FAF1: variants seen among roughly 807,000 people sequenced by gnomAD.
The protein encoded by FAF1 is FAS-associated factor 1.
A neutral mutation model predicts 92.5 loss-of-function variants in FAF1; 25 were observed. That is an observed-to-expected ratio of 0.27 (90% confidence interval 0.20 to 0.38). The LOEUF (loss-of-function observed/expected upper bound fraction) is 0.38, where lower values mean the gene tolerates loss of function less well. Among genes scored for constraint, FAF1 ranks in the 10% least tolerant of loss-of-function variants. FAF1 has a pLI of 1.00. For synonymous variants in FAF1, 234 were observed against 273.2 expected, an observed-to-expected ratio of 0.86 and a Z score of 1.42; for missense variants, 636 against 793.3, an observed-to-expected ratio of 0.80 and a Z score of 2.38.
intron 15 of FAF1, among the ~76,000 whole-genome samples, chr1:50,529,450 G>C (rs998688327): frequency 6.6e-6 from 1 of 152,138 alleles, no homozygotes; most frequent in Non-Finnish European, 1.5e-5. Flanking sequence ...AATTAAATGG[G>C]ATTTGGAAGA....
chr1:50,838,558 A>AAT lies in FAF1; in HGVS notation c.114+19369_114+19370dup, dbSNP rs954105045. 5.6e-5 allele frequency among the ~76,000 whole-genome samples: 5 copies of AAT among 88,580 alleles called. No homozygotes were observed. The East Asian group carries it at 9.8e-4, about 17-fold the overall frequency. 58.1% of individuals were successfully genotyped at this position (88,580 alleles called of 152,430 possible). A position where few individuals can be genotyped will look rare whatever the true frequency, so the allele number is the denominator to read the frequency against. On this transcript the variant is annotated intron_variant, in intron 2 of 18. Coordinates refer to ENST00000396153, the MANE Select transcript of FAF1 (RefSeq NM_007051.3). ...TTTACATGTAGAATTATAAATTAAA[A>AAT]ATATATATATTTTATATAATTATAA...
intron 12 of FAF1, among the ~76,000 whole-genome samples, chr1:50,576,756 A>G (rs1272451462): frequency 6.6e-6 from 1 of 150,466 alleles, no homozygotes; most frequent in African/African-American, 2.4e-5. Context: ...GATGCTCCTG[A>G]TTCAGCCTCT....
chr1:50,642,225 C>T (rs1004859101), intron 8 of FAF1, among the ~76,000 whole-genome samples: 16 of 148,686 alleles, frequency 1.1e-4, no homozygotes, highest in Non-Finnish European at 2.2e-4. Flanking sequence ...AAAAAAAAAT[C>T]CTTGTTCTGT....
intron 7 of FAF1, among the ~76,000 whole-genome samples, chr1:50,661,059 A>G (rs1655349941): frequency 6.6e-6 from 1 of 152,238 alleles, no homozygotes; most frequent in Admixed American, 6.5e-5. Context: ...AATAGAAAAA[A>G]ATATAACAGA....
chr1:50,886,445 T>C (rs144037545), intron 1 of FAF1, among the ~76,000 whole-genome samples: 1,525 of 152,256 alleles, frequency 0.01, 13 homozygotes, highest in Middle Eastern at 0.071. Flanking sequence ...TTCTTAGATA[T>C]GTACACATGT....
chr1:50,852,223 C>A (rs149627447), intron 2 of FAF1, among the ~76,000 whole-genome samples: 203 of 152,308 alleles, frequency 1.3e-3, no homozygotes, highest in African/African-American at 4.7e-3. Flanking sequence ...CCTTGGGTGT[C>A]TGGGTTGTCC....
chr1:50,866,051 A>G (rs1042073347), intron 1 of FAF1, among the ~76,000 whole-genome samples: 11 of 152,226 alleles, frequency 7.2e-5, no homozygotes, highest in Non-Finnish European at 1.3e-4. Context: ...TAATATACAC[A>G]AGTCAATAAA....
intron 2 of FAF1, among the ~76,000 whole-genome samples, chr1:50,820,917 T>C (rs1644037777): frequency 6.6e-6 from 1 of 152,168 alleles, no homozygotes; most frequent in Admixed American, 6.6e-5. Flanking sequence ...ACATTTAGGT[T>C]GTTTCCGTAT....
chr1:50,647,038 AG>A (rs1050031222), intron 8 of FAF1, among the ~76,000 whole-genome samples: 2 of 151,980 alleles, frequency 1.3e-5, no homozygotes, highest in African/African-American at 2.4e-5. Flanking sequence ...TAGTAGAGAC[AG>A]GGTTTCACCA....
chr1:50,840,599 T>C (rs570765899), intron 2 of FAF1, among the ~76,000 whole-genome samples: 2 of 152,144 alleles, frequency 1.3e-5, no homozygotes, highest in South Asian at 2.1e-4. Context: ...AACTATATAC[T>C]TTAGATTTAT....
chr1:50,589,646 C>T (rs1201085547), intron 9 of FAF1, among the ~76,000 whole-genome samples: 3 of 152,296 alleles, frequency 2.0e-5, no homozygotes, highest in Non-Finnish European at 2.9e-5. Flanking sequence ...AACTCCATTG[C>T]TAGTGTTTTT....
chr1:50,740,051 C>G (rs935668471), intron 5 of FAF1, among the ~76,000 whole-genome samples: 5 of 152,014 alleles, frequency 3.3e-5, no homozygotes, highest in Non-Finnish European at 5.9e-5. Context: ...TTTGAGCCAC[C>G]TACTCTGTAT....
At chr1:50,632,636 A>G (rs1291529892) in intron 8 of FAF1, among the ~76,000 whole-genome samples, 2 of 152,236 alleles carry the variant, frequency 1.3e-5, no homozygotes, top group South Asian at 2.1e-4. Context: ...GCATGGTTCA[A>G]TTTGGGGTAG....
chr1:50,574,914 T>C (rs1439268805), intron 12 of FAF1, among the ~76,000 whole-genome samples: 1 of 134,092 alleles, frequency 7.5e-6, no homozygotes, highest in Admixed American at 7.4e-5. Context: ...TTTTTTTTTT[T>C]TTTTTTTTTT....
At chr1:50,927,112 G>A (rs761525004) in intron 1 of FAF1, among the ~76,000 whole-genome samples, 2 of 152,194 alleles carry the variant, frequency 1.3e-5, no homozygotes, top group Non-Finnish European at 2.9e-5. Context: ...AAGGGGAATA[G>A]GGAGTTAACG....
chr1:50,448,509 G>T (rs1174775381), intron 18 of FAF1, among the ~76,000 whole-genome samples: 1 of 152,182 alleles, frequency 6.6e-6, no homozygotes, highest in African/African-American at 2.4e-5. Context: ...CCACACAGGG[G>T]TGAGAACAAA....
At chr1:50,727,686 G>A (rs1049217907) in intron 6 of FAF1, among the ~76,000 whole-genome samples, 11 of 152,214 alleles carry the variant, frequency 7.2e-5, no homozygotes, top group Non-Finnish European at 8.8e-5. Context: ...GTCTGTGAGG[G>A]TGTTGCCAAA....
At chr1:50,691,114 T>A (rs977676902) in intron 7 of FAF1, among the ~76,000 whole-genome samples, 14 of 152,264 alleles carry the variant, frequency 9.2e-5, no homozygotes, top group Non-Finnish European at 1.6e-4. Context: ...GTCAGATAGA[T>A]GGTAACCATG....
At chr1:50,792,974 GTTTT>G (rs574515401) in intron 3 of FAF1, among the ~76,000 whole-genome samples, 3 of 152,122 alleles carry the variant, frequency 2.0e-5, no homozygotes, top group African/African-American at 7.2e-5. Flanking sequence ...CTGAGCATGG[GTTTT>G]TTTGTTTGTT....
Sources: allele counts gnomAD v4.1 joint callset (sites outside exome capture counted in the v4.1 genomes callset), GRCh38; gene constraint gnomAD v4.1.1; transcripts MANE v1.5; gene names NCBI Gene and HGNC (gene_info 2026-07-23, HGNC 2026-07-21).